The following ASTL variants were observed in gnomAD, a reference collection of about 807,000 sequenced individuals.
ASTL encodes the protein astacin like metalloendopeptidase.
A neutral mutation model predicts 36.7 loss-of-function variants in ASTL; 27 were observed. The ratio of observed to expected loss-of-function variants is 0.73; its 90% CI spans 0.54 to 1.01. ASTL has a LOEUF of 1.01. Ranked by LOEUF, ASTL falls within the 50% of genes least tolerant of loss-of-function variation. ASTL has a pLI of 0.00. For synonymous variants in ASTL, 222 were observed against 228.1 expected (o/e 0.97, Z 0.24); for missense variants, 524 against 572.8 (o/e 0.91, Z 0.87).
At chr2:96,134,399 A>T (rs973258442) in intron 3 of ASTL, among the ~76,000 whole-genome samples, 1 of 152,168 alleles carries the variant, frequency 6.6e-6, no homozygotes, top group African/African-American at 2.4e-5. Flanking sequence ...CAGCATGTTG[A>T]CAGTGCCCCT....
At position 96,137,585 on chromosome 2, in the gene ASTL, T is replaced by G; in HGVS notation, c.171A>C (p.Ala57=). Residue 57 remains alanine, a synonymous_variant, in exon 2 of 9, where the codon GCA becomes GCC. Transcript: ENST00000342380. The part of the protein sequence containing the change: ...TQASGDKDIP[A]INQGLILEET... ...ATGTAGTGCCCTCACCTTGGTTAAT[T>G]GCAGGAATGTCCTTGTCCCCGGAGG... 3.1e-6 allele frequency: 5 copies of G among 1,613,676 alleles called. No individual in the cohort carries two copies. Among genetic ancestry groups the G allele is most frequent in the Non-Finnish European group, 4.2e-6 (5 of 1,179,700 alleles).
rs1251811630 is a variant in ASTL at position 96,124,035 on chromosome 2, T to C, written c.1111A>G (p.Arg371Gly). The C allele has an allele frequency of 6.2e-7, 1 of 1,613,984 alleles. No homozygotes were observed. Among genetic ancestry groups the C allele is most frequent in the South Asian group, 1.1e-5 (1 of 91,082 alleles). The change falls in exon 9 of 9, where the codon AGA (arginine) becomes GGA (glycine). Residue 371 changes from arginine to glycine, a missense_variant. By Grantham distance (125) the Arg-to-Gly change is moderately radical. Coordinates refer to ENST00000342380, the MANE Select transcript of ASTL (RefSeq NM_001002036.4). This position sits in a 1 kb window ranked among gnomAD's most constrained non-coding sequence, Gnocchi z 4.1. ...RQPQTLASSP[R>G]SRPGAGAPGV... ...GGGGCACCTGCTCCAGGCCTTGATC[T>C]TGGGGAGGAAGCTAGGGTCTGAGGC...
chr2:96,127,419 T>C (rs1286571704), intron 8 of ASTL, among the ~76,000 whole-genome samples: 2 of 152,198 alleles, frequency 1.3e-5, no homozygotes, highest in East Asian at 3.8e-4. Context: ...TCCTTAACAG[T>C]ATTTGGTATT....
chr2:96,133,476 A>G lies in ASTL; in HGVS notation c.404T>C (p.Phe135Ser), dbSNP rs145409944. ...GTCTCTCTGGTCCTGATAGGTGACA[A>G]ACCTGATGCACGTGGAACGTTCAAA... The part of the protein sequence containing the change: ...AEFERSTCIR[F>S]VTYQDQRDFI... Residue 135 changes from phenylalanine to serine, a missense_variant, in exon 5 of 9, where the codon TTT becomes TCT. By Grantham distance (155) the Phe-to-Ser change is radical. Transcript: ENST00000342380. 75 of 1,614,040 alleles carry G rather than the reference A, an allele frequency of 4.6e-5. No individual in the cohort carries two copies. The highest frequency in any genetic ancestry group is 6.3e-5 in the Non-Finnish European group (74 of 1,180,018).
chr2:96,137,526 T>C, intron 2 of ASTL, 49 bp downstream of exon 2: 1 of 1,590,160 alleles, frequency 6.3e-7, no homozygotes, highest in Non-Finnish European at 8.6e-7. Flanking sequence ...GTTTTCACAC[T>C]ACATAACGTC....
intron 8 of ASTL, among the ~76,000 whole-genome samples, chr2:96,126,322 G>A (rs1339579626): frequency 6.6e-6 from 1 of 152,206 alleles, no homozygotes. Flanking sequence ...TCAGAAGAGA[G>A]AACCCAATTG....
chr2:96,134,590 G>T (rs1682258058), intron 3 of ASTL, among the ~76,000 whole-genome samples: 1 of 152,236 alleles, frequency 6.6e-6, no homozygotes, highest in African/African-American at 2.4e-5. Context: ...TCGGCTGGAG[G>T]CATTTGATTC....
chr2:96,135,286 G>A, intron 3 of ASTL, 65 bp downstream of exon 3: 1 of 1,404,132 alleles, frequency 7.1e-7, no homozygotes. Flanking sequence ...TCCAGGGTGG[G>A]CTCAGAGGAC....
At chr2:96,133,018 C>T (rs1682216946) in intron 5 of ASTL, among the ~76,000 whole-genome samples, 2 of 152,180 alleles carry the variant, frequency 1.3e-5, no homozygotes, top group South Asian at 4.1e-4. Flanking sequence ...CCTGGTCAGC[C>T]CTAAGCCAAG....
At chr2:96,133,622 GAACT>G in intron 4 of ASTL, 80 bp from the exon 5 acceptor site, 1 of 1,030,362 alleles carries the variant, frequency 9.7e-7, no homozygotes, top group Non-Finnish European at 1.5e-6. Context: ...GCAGAGCTCT[GAACT>G]CACTCTCCCA....
chr2:96,130,284 T>G (rs1682148744), intron 6 of ASTL, 139 bp from the exon 7 acceptor site: 2 of 690,904 alleles, frequency 2.9e-6, no homozygotes, highest in African/African-American at 3.5e-5. Flanking sequence ...CCATGCTGCT[T>G]CTGGTACCAG....
chr2:96,135,655 T>G (rs1459992611), intron 2 of ASTL, among the ~76,000 whole-genome samples: 1 of 152,198 alleles, frequency 6.6e-6, no homozygotes, highest in African/African-American at 2.4e-5. Context: ...TGTCTGCAGG[T>G]GTGAGGGGGC....
chr2:96,129,449 G>A (rs908777074), intron 8 of ASTL, among the ~76,000 whole-genome samples: 4 of 151,986 alleles, frequency 2.6e-5, no homozygotes, highest in Middle Eastern at 3.4e-3. Flanking sequence ...TCCAATCCTC[G>A]GACCTTTAGT....
chr2:96,138,470 C>A lies in ASTL; in HGVS notation c.-34G>T. The stretch of plus-strand genomic sequence containing the variant: ...CCTGCTGCCCCTTCAGCAAACAAGA[C>A]CAAGCCCCAGCAAGACACAGTAACC... On this transcript the variant is annotated 5_prime_UTR_variant, in exon 1 of 9. Transcript: ENST00000342380. The A allele has an allele frequency of 1.3e-6, 2 of 1,590,328 alleles. No homozygotes were observed. The highest frequency in any genetic ancestry group is 2.3e-5 in the South Asian group (2 of 88,686).
At chr2:96,133,085 A>C (rs577810901) in intron 5 of ASTL, among the ~76,000 whole-genome samples, 1 of 152,232 alleles carries the variant, frequency 6.6e-6, no homozygotes, top group East Asian at 1.9e-4. Flanking sequence ...TATCGCCACC[A>C]CTCGCACCCC....
At chr2:96,127,327 G>T (rs1682084545) in intron 8 of ASTL, among the ~76,000 whole-genome samples, 1 of 152,190 alleles carries the variant, frequency 6.6e-6, no homozygotes, top group African/African-American at 2.4e-5. Context: ...AACCTTCCAG[G>T]ATGTCAAATT....
In ASTL at chr2:96,138,392, G is replaced by A. The variant is rs750236335; in HGVS notation, c.45C>T (p.Leu15=). Residue 15 remains leucine, a synonymous_variant, in exon 1 of 9, where the codon CTC becomes CTT. Transcript: ENST00000342380. ...GGLWPWVLGL[L]SLPGVILGAP... is the part of the protein sequence containing the mutation. ...AGGCAGCCAGCTTACCTGGCAAGGA[G>A]AGCAGACCCAGCACCCAAGGCCAGA... The A allele has an allele frequency of 6.2e-7, 1 of 1,610,118 alleles. No homozygotes were observed. Among genetic ancestry groups the A allele is most frequent in the Non-Finnish European group, 8.5e-7 (1 of 1,178,248 alleles).
chr2:96,134,764 T>C (rs1307566949), intron 3 of ASTL, among the ~76,000 whole-genome samples: 2 of 152,220 alleles, frequency 1.3e-5, no homozygotes, highest in Non-Finnish European at 2.9e-5. Flanking sequence ...AGTCTTGCCT[T>C]CCCCTGGGTC....
Position 96,123,738 on chromosome 2 carries a change from TG to T in ASTL, c.*111del. The T allele has an allele frequency of 1.3e-6, 1 of 790,204 alleles. No homozygotes were observed. The highest frequency in any genetic ancestry group is 2.0e-6 in the Non-Finnish European group (1 of 487,916). The allele number at this position is 790,204 out of a possible 1,614,324, so 48.9% of individuals were successfully genotyped here. A position where few individuals can be genotyped will look rare whatever the true frequency, so the allele number is the denominator to read the frequency against. On this transcript the variant is annotated 3_prime_UTR_variant, in exon 9 of 9. Transcript: ENST00000342380. Reference sequence around the variant, plus strand: ...AGAGTCCTGGCCCTCTGAGATGGGGTGGTAGGTTGGGGCTGGAAGACAGTGG... The same window carrying T: ...AGAGTCCTGGCCCTCTGAGATGGGGTGTAGGTTGGGGCTGGAAGACAGTGG...
Sources: gnomAD v4.1 joint callset for allele counts (sites outside exome capture counted in the v4.1 genomes callset) on GRCh38, gnomAD v4.1.1 for gene constraint, Gnocchi (gnomAD v3.1) non-coding constraint, MANE v1.5 for transcripts, NCBI Gene and HGNC (gene_info 2026-07-23, HGNC 2026-07-21) for gene names.